Variants in MBNL3 observed in about 807,000 individuals in gnomAD.
MBNL3 encodes muscleblind-like protein 3.
MBNL3 carries 6 observed loss-of-function variants against 24.5 expected under a neutral mutation model. The ratio of observed to expected loss-of-function variants is 0.25; its 90% CI spans 0.13 to 0.48. The LOEUF is 0.48. Among genes scored for constraint, MBNL3 ranks in the 20% least tolerant of loss-of-function variants. The pLI, the probability that MBNL3 is intolerant of heterozygous loss-of-function variation, is 0.99. For synonymous variants in MBNL3, 100 were observed against 101.7 expected (o/e 0.98, Z 0.10); for missense variants, 230 against 293.5 (o/e 0.78, Z 1.58).
chrX:132,473,841 A>G (rs753873204), intron 1 of MBNL3, among the ~76,000 whole-genome samples: 17 of 111,654 alleles, frequency 1.5e-4, no homozygotes, highest in African/African-American at 5.2e-4. Flanking sequence ...ATATAACTTC[A>G]AAGATTTAAG....
rs1022970376 is a variant in MBNL3, at chrX:132,377,008, C to G, written c.*2658G>C. Reference sequence around the variant, plus strand: ...ATTGTTAATGTCTTCCAGTGCTTAACGCAACATGAAAACAGCTGTACTGTA... The same window carrying G: ...ATTGTTAATGTCTTCCAGTGCTTAAGGCAACATGAAAACAGCTGTACTGTA... On this transcript the variant is annotated 3_prime_UTR_variant, in exon 9 of 9. Transcript: ENST00000370853. 9.0e-6 allele frequency: 1 copy of G among 111,585 alleles called. No homozygotes were observed. Among genetic ancestry groups the G allele is most frequent in the Non-Finnish European group, 1.9e-5 (1 of 52,991 alleles). The allele number at this position is 111,585 out of a possible 1,213,427, so 9.2% of individuals were successfully genotyped here. A position where few individuals can be genotyped will look rare whatever the true frequency, so the allele number is the denominator to read the frequency against.
At chrX:132,460,250 T>TAAGTA (rs747238577) in intron 1 of MBNL3, among the ~76,000 whole-genome samples, 2,574 of 112,239 alleles carry the variant, frequency 0.023, 57 homozygotes, top group African/African-American at 0.079. Flanking sequence ...AATTTTTAAA[T>TAAGTA]AAGTTCTCAT....
rs1487510004 is a variant in MBNL3 at position 132,375,836 on chromosome X, A to G, written c.*3830T>C. On this transcript the variant is annotated 3_prime_UTR_variant, in exon 9 of 9. Transcript: ENST00000370853. ...AGGAACTCGGAAAACTTGTGGCTGC[A>G]TTTTACCTAAGAGCATCCTTATCTA... 8.9e-6 allele frequency: 1 copy of G among 111,750 alleles called. No homozygotes were observed. The highest frequency in any genetic ancestry group is 3.2e-5 in the African/African-American group (1 of 30,808). 9.2% of individuals were successfully genotyped at this position (111,750 alleles called of 1,213,427 possible).
chrX:132,396,970 G>A (rs1273081345), intron 3 of MBNL3, among the ~76,000 whole-genome samples: 1 of 71,429 alleles, frequency 1.4e-5, no homozygotes, highest in Non-Finnish European at 2.5e-5. Context: ...ATATATATAT[G>A]AATATATATG....
intron 2 of MBNL3, among the ~76,000 whole-genome samples, chrX:132,412,144 TC>T (rs1263089109): frequency 9.0e-6 from 1 of 110,697 alleles, no homozygotes; most frequent in Non-Finnish European, 1.9e-5. Context: ...GGCTGAAACA[TC>T]CTGGTAATTT....
chrX:132,478,182 T>C (rs1947541405), intron 1 of MBNL3, among the ~76,000 whole-genome samples: 1 of 102,628 alleles, frequency 9.7e-6, no homozygotes, highest in Non-Finnish European at 2.0e-5. Context: ...GTCCCAAGGT[T>C]TTTAGTTGTC....
At chrX:132,432,470 TACCCCTC>T (rs1436277575) in intron 2 of MBNL3, 1 of 110,859 alleles carries the variant, frequency 9.0e-6, no homozygotes, top group Non-Finnish European at 1.9e-5. Flanking sequence ...TTAATTCCCA[TACCCCTC>T]ACCCCTCACT....
At chrX:132,450,552 T>G (rs1005543924) in intron 1 of MBNL3, among the ~76,000 whole-genome samples, 4 of 111,924 alleles carry the variant, frequency 3.6e-5, no homozygotes, top group African/African-American at 1.3e-4. Context: ...GTTATTCTAG[T>G]TAGCAATACC....
chrX:132,484,935 A>ACACACGCG (rs757396941), intron 1 of MBNL3, among the ~76,000 whole-genome samples: 1 of 100,950 alleles, frequency 9.9e-6, no homozygotes, highest in Non-Finnish European at 2.0e-5. Context: ...ACACACGCGC[A>ACACACGCG]CACACACACA....
rs7060596 is a variant in MBNL3 at position 132,485,238 on chromosome X, T to C, written c.-704+3613A>G. Among the ~76,000 whole-genome samples, 886 of 111,698 alleles carry C rather than the reference T, an allele frequency of 7.9e-3. 5 individuals are homozygous for C. Among genetic ancestry groups the C allele is most frequent in the African/African-American group, 0.027 (838 of 30,751 alleles). ...GCACATCTGTATACATTGTTTTGAA[T>C]TGACCACTAATTTGTACACTCATGT... On this transcript the variant is annotated intron_variant, in intron 1 of 8. Coordinates refer to ENST00000370853, the MANE Select transcript of MBNL3 (RefSeq NM_001386889.1).
rs1340082998 is a variant in MBNL3, at chrX:132,377,236, C to T, written c.*2430G>A. ...TCAGATCTGCCCTTCTGGAGAGGCA[C>T]TGGCACGGATCATACAAAACTCAGT... is the stretch of plus-strand genomic sequence containing the variant. On this transcript the variant is annotated 3_prime_UTR_variant, in exon 9 of 9. Coordinates refer to ENST00000370853, the MANE Select transcript of MBNL3 (RefSeq NM_001386889.1). 2 of 111,646 alleles carry T rather than the reference C, an allele frequency of 1.8e-5. No individual in the cohort carries two copies. The highest frequency in any genetic ancestry group is 6.5e-5 in the African/African-American group (2 of 30,758). 9.2% of individuals were successfully genotyped at this position (111,646 alleles called of 1,213,427 possible).
chrX:132,396,487 C>CATATATATATT (rs1938547902), intron 3 of MBNL3, among the ~76,000 whole-genome samples: 1 of 62,917 alleles, frequency 1.6e-5, no homozygotes, highest in Non-Finnish European at 2.8e-5. Flanking sequence ...CATATATATT[C>CATATATATATT]CTATATATAT....
At chrX:132,421,906 T>C (rs1482704374) in intron 2 of MBNL3, among the ~76,000 whole-genome samples, 1 of 111,375 alleles carries the variant, frequency 9.0e-6, no homozygotes, top group Non-Finnish European at 1.9e-5. Flanking sequence ...TAAGAGACTA[T>C]AAAAGATGTT....
chrX:132,484,939 A>G (rs1947923447), intron 1 of MBNL3, among the ~76,000 whole-genome samples: 2 of 109,811 alleles, frequency 1.8e-5, no homozygotes, highest in Non-Finnish European at 3.8e-5. Flanking sequence ...ACGCGCACAC[A>G]CACACACACA....
intron 3 of MBNL3, among the ~76,000 whole-genome samples, chrX:132,404,351 T>C (rs1603197131): frequency 8.9e-6 from 1 of 112,371 alleles, no homozygotes; most frequent in East Asian, 2.8e-4. Flanking sequence ...GTTTTGTTCA[T>C]AACAATTTTC....
chrX:132,444,891 C>A (rs1017178129), intron 1 of MBNL3, among the ~76,000 whole-genome samples: 4 of 111,675 alleles, frequency 3.6e-5, no homozygotes, highest in African/African-American at 1.3e-4. Flanking sequence ...TTCTTCTAAT[C>A]TAATGGAAAC....
At chrX:132,486,270 G>C (rs772294223) in intron 1 of MBNL3, among the ~76,000 whole-genome samples, 1 of 111,359 alleles carries the variant, frequency 9.0e-6, no homozygotes, top group Non-Finnish European at 1.9e-5. Flanking sequence ...CCCTCCCCTC[G>C]TCCCTCACAC....
intron 1 of MBNL3, among the ~76,000 whole-genome samples, chrX:132,453,195 A>G (rs1200034335): frequency 2.7e-5 from 3 of 111,309 alleles, no homozygotes; most frequent in African/African-American, 9.8e-5. Context: ...CCTAAGGAGT[A>G]TATATTTGTT....
chrX:132,478,117 A>G (rs1294589176), intron 1 of MBNL3, among the ~76,000 whole-genome samples: 1 of 111,757 alleles, frequency 8.9e-6, no homozygotes, highest in Admixed American at 9.5e-5. Flanking sequence ...TTTTCTTCCA[A>G]CATTTAAAAT....
Sources: allele counts gnomAD v4.1 joint callset (sites outside exome capture counted in the v4.1 genomes callset), GRCh38; gene constraint gnomAD v4.1.1; transcripts MANE v1.5; gene names NCBI Gene and HGNC (gene_info 2026-07-23, HGNC 2026-07-21).